The following PARD6G variants were observed in gnomAD, a reference collection of about 807,000 sequenced individuals.
The protein encoded by PARD6G is par-6 family cell polarity regulator gamma, also known as partitioning defective 6 homolog gamma.
PARD6G carries 7 observed loss-of-function variants against 10.7 expected under a neutral mutation model. The observed-to-expected ratio is 0.66, with a 90% CI of 0.37 to 1.23. The LOEUF is 1.23. PARD6G is among the 50% of genes most tolerant of loss of function. The pLI, the probability that PARD6G is intolerant of heterozygous loss-of-function variation, is 0.02. For missense variants in PARD6G, 548 were observed against 571.8 expected, an observed-to-expected ratio of 0.96 and a Z score of 0.42; for synonymous variants, 287 against 269.4, an observed-to-expected ratio of 1.07 and a Z score of -0.64.
chr18:80,162,195 C>T (rs571299401), intron 2 of PARD6G: 6 of 152,186 alleles, frequency 3.9e-5, no homozygotes, highest in East Asian at 1.9e-4. Flanking sequence ...GGAACCCATC[C>T]GTCATCAGTT....
At chr18:80,187,329 G>A (rs2052885261) in intron 2 of PARD6G, among the ~76,000 whole-genome samples, 1 of 152,124 alleles carries the variant, frequency 6.6e-6, no homozygotes, top group East Asian at 1.9e-4. Context: ...TTGGAACACT[G>A]GGCTTAACTG....
Position 80,180,047 on chromosome 18 carries a change from C to T in PARD6G, c.296-19441G>A, listed in dbSNP as rs141678730. On this transcript the variant is annotated intron_variant, in intron 2 of 2. Coordinates refer to ENST00000353265, the MANE Select transcript of PARD6G (RefSeq NM_032510.4). The surrounding 1 kb of genome is among the most constrained non-coding windows in gnomAD (Gnocchi z 5.6). ...GGGAACGCCCCATTGTGCCTCAGAA[C>T]GAAAGTTCAGTGGTCTGCAGAGAGG... is the stretch of plus-strand genomic sequence containing the variant. Among the ~76,000 whole-genome samples, 534 of 152,288 alleles carry T rather than the reference C, an allele frequency of 3.5e-3. 3 individuals carry two copies. The highest frequency in any genetic ancestry group is 0.012 in the African/African-American group (497 of 41,572).
intron 2 of PARD6G, chr18:80,169,428 G>C (rs1427422601): frequency 1.3e-5 from 2 of 152,302 alleles, no homozygotes; most frequent in Non-Finnish European, 2.9e-5. Context: ...TCAGAATTGC[G>C]GGGAACCCTC....
intron 1 of PARD6G, among the ~76,000 whole-genome samples, chr18:80,216,204 A>G (rs529076869): frequency 6.6e-6 from 1 of 152,302 alleles, no homozygotes; most frequent in Non-Finnish European, 1.5e-5. Flanking sequence ...CCCAATTTTT[A>G]TAATGAATAA....
rs1397939031 is a variant in PARD6G at position 80,201,224 on chromosome 18, G to A, written c.295+1486C>T. On this transcript the variant is annotated intron_variant, in intron 2 of 2. Transcript: ENST00000353265. This position sits in a 1 kb window ranked among gnomAD's most constrained non-coding sequence, Gnocchi z 5.9. ...CGGGCTCATCAGATCAAGCAGCTGA[G>A]ACCAGGCCTTCCTGAGAAGGCAGCC... 1.3e-5 allele frequency among the ~76,000 whole-genome samples: 2 copies of A among 152,154 alleles called. No individual in the cohort carries two copies. The highest frequency in any genetic ancestry group is 6.5e-5 in the Admixed American group (1 of 15,278).
intron 1 of PARD6G, among the ~76,000 whole-genome samples, chr18:80,233,956 C>T (rs1967389429): frequency 6.6e-6 from 1 of 152,104 alleles, no homozygotes; most frequent in Non-Finnish European, 1.5e-5. Flanking sequence ...GCCCTCGAGA[C>T]ACAAAGGCTT....
chr18:80,246,710 C>G lies in PARD6G; in HGVS notation c.72+567G>C, dbSNP rs1449905762. On this transcript the variant is annotated intron_variant, in intron 1 of 2. Transcript: ENST00000353265. This position sits in a 1 kb window ranked among gnomAD's most constrained non-coding sequence, Gnocchi z 6.7. ...GTCTGGGCCGGGGGAGAGCCGGGTG[C>G]GTGCTCTGGGTCTGCGCGGGGGAGC... Among the ~76,000 whole-genome samples the G allele has an allele frequency of 6.6e-6, 1 of 151,132 alleles. No individual in the cohort carries two copies. Among genetic ancestry groups the G allele is most frequent in the Non-Finnish European group, 1.5e-5 (1 of 67,744 alleles).
At chr18:80,166,534 A>G (rs936987743) in intron 2 of PARD6G, among the ~76,000 whole-genome samples, 1 of 147,658 alleles carries the variant, frequency 6.8e-6, no homozygotes, top group Admixed American at 7.0e-5. Context: ...AGCCTCCTCC[A>G]TGGTCAGATC....
rs1312083774 is a variant in PARD6G, at chr18:80,200,453, C to T, written c.295+2257G>A. ...CGCTGTTAAGCTCTGACAACAACCC[C>T]AGAGACAGGCACTACCACCCGTGCC... is the stretch of plus-strand genomic sequence containing the variant. On this transcript the variant is annotated intron_variant, in intron 2 of 2. Transcript: ENST00000353265. This position sits in a 1 kb window ranked among gnomAD's most constrained non-coding sequence, Gnocchi z 4.4. 6.6e-6 allele frequency among the ~76,000 whole-genome samples: 1 copy of T among 152,138 alleles called. No individual in the cohort carries two copies. Among genetic ancestry groups the T allele is most frequent in the Non-Finnish European group, 1.5e-5 (1 of 68,034 alleles).
rs1264970110 is a variant in PARD6G at position 80,247,329 on chromosome 18, T to C, written c.20A>G (p.Lys7Arg). The C allele has an allele frequency of 6.3e-7, 1 of 1,577,466 alleles. No individual in the cohort carries two copies. The highest frequency in any genetic ancestry group is 8.6e-7 in the Non-Finnish European group (1 of 1,162,262). Residue 7 changes from lysine to arginine, a missense_variant, in exon 1 of 3, where the codon AAG becomes AGG. Lys to Arg is a conservative substitution (Grantham distance 26, BLOSUM62 2). Around this residue, in one of 2 missense-constraint regions of PARD6G, gnomAD observed 235 missense variants for 291.9 expected, o/e 0.81. Transcript: ENST00000353265. The surrounding 1 kb of genome is among the most constrained non-coding windows in gnomAD (Gnocchi z 4.2). ...ATCGTAGAATCGCAAGGTCTGAGAC[T>C]TGTGAAAACTTCGGTTCATGGTTTC... MNRSFH[K>R]SQTLRFYDCS...
Position 80,189,601 on chromosome 18 carries a change from A to C in PARD6G, c.295+13109T>G, listed in dbSNP as rs1347696463. Among the ~76,000 whole-genome samples the C allele has an allele frequency of 6.6e-6, 1 of 152,144 alleles. No homozygotes were observed. The highest frequency in any genetic ancestry group is 2.4e-5 in the African/African-American group (1 of 41,414). On this transcript the variant is annotated intron_variant, in intron 2 of 2. Transcript: ENST00000353265. This position sits in a 1 kb window ranked among gnomAD's most constrained non-coding sequence, Gnocchi z 5.5. ...ACCCGCTAACTGACACCACGTCAGGAGCCCACCAGGCCAGGCAGGTCACCC... is the reference window on the plus strand; with the variant it reads ...ACCCGCTAACTGACACCACGTCAGGCGCCCACCAGGCCAGGCAGGTCACCC...
rs59976412 is a variant in PARD6G, at chr18:80,200,498, C to T, written c.295+2212G>A. On this transcript the variant is annotated intron_variant, in intron 2 of 2. Transcript: ENST00000353265. This position sits in a 1 kb window ranked among gnomAD's most constrained non-coding sequence, Gnocchi z 4.4. Reference sequence around the variant, plus strand: ...CGTGCCACAGATGAGGACGGTAGAGCTCTGCGGGATGAGGCGTGTGTTTGT... The same window carrying T: ...CGTGCCACAGATGAGGACGGTAGAGTTCTGCGGGATGAGGCGTGTGTTTGT... 9.1e-3 allele frequency among the ~76,000 whole-genome samples: 1,388 copies of T among 152,226 alleles called. 26 individuals are homozygous for T. Among genetic ancestry groups the T allele is most frequent in the African/African-American group, 0.032 (1,330 of 41,528 alleles).
rs1449068977 is a variant in PARD6G, at chr18:80,228,573, G to T, written c.72+18704C>A. ...AGACACCACAGGGTCTTGGCCCCCA[G>T]GCCCACAGACTGCATCTCCTAAGAT... is the stretch of plus-strand genomic sequence containing the variant. On this transcript the variant is annotated intron_variant, in intron 1 of 2. Transcript: ENST00000353265. The surrounding 1 kb of genome is among the most constrained non-coding windows in gnomAD (Gnocchi z 4.6). Among the ~76,000 whole-genome samples, 1 of 142,614 alleles carries T rather than the reference G, an allele frequency of 7.0e-6. No individual in the cohort carries two copies. Among genetic ancestry groups the T allele is most frequent in the African/African-American group, 2.6e-5 (1 of 37,972 alleles). 93.6% of individuals were successfully genotyped at this position (142,614 alleles called of 152,430 possible).
intron 1 of PARD6G, among the ~76,000 whole-genome samples, chr18:80,234,024 C>T (rs1319338340): frequency 6.6e-6 from 1 of 152,168 alleles, no homozygotes; most frequent in Non-Finnish European, 1.5e-5. Context: ...CCCAGGCACA[C>T]CTCCCAGGCT....
In PARD6G at chr18:80,201,376, A is replaced by G. The variant is rs1967005263; in HGVS notation, c.295+1334T>C. 6.6e-6 allele frequency among the ~76,000 whole-genome samples: 1 copy of G among 152,194 alleles called. No individual in the cohort carries two copies. The highest frequency in any genetic ancestry group is 2.4e-5 in the African/African-American group (1 of 41,456). On this transcript the variant is annotated intron_variant, in intron 2 of 2. Transcript: ENST00000353265. The surrounding 1 kb of genome is among the most constrained non-coding windows in gnomAD (Gnocchi z 5.9). ...GCAGCCACTGCAGAGGGCAGCATAC[A>G]GAGGACCGAGGTGTGGCACGCTGGA...
chr18:80,202,097 G>A (rs1355280822), intron 2 of PARD6G: 1 of 151,178 alleles, frequency 6.6e-6, no homozygotes, highest in Non-Finnish European at 1.5e-5. Context: ...TCACCTGCAG[G>A]TGCTTCTTTC....
At chr18:80,220,512 T>C (rs777542329) in intron 1 of PARD6G, among the ~76,000 whole-genome samples, 1 of 152,218 alleles carries the variant, frequency 6.6e-6, no homozygotes, top group Admixed American at 6.5e-5. Context: ...ATCAGTATTG[T>C]GTATTAATTT....
chr18:80,196,863 G>A (rs1286233643), intron 2 of PARD6G, among the ~76,000 whole-genome samples: 1 of 144,060 alleles, frequency 6.9e-6, no homozygotes, highest in African/African-American at 2.6e-5. Flanking sequence ...CATTCCCACG[G>A]TGGAGTGGGA....
intron 2 of PARD6G, among the ~76,000 whole-genome samples, chr18:80,163,593 G>A (rs1266443357): frequency 6.6e-6 from 1 of 152,160 alleles, no homozygotes; most frequent in Non-Finnish European, 1.5e-5. Context: ...GCGTCACAAG[G>A]GCCAGGTGGA....
Sources: allele counts gnomAD v4.1 joint callset (sites outside exome capture counted in the v4.1 genomes callset), GRCh38; gene constraint gnomAD v4.1.1; regional missense constraint gnomAD v4.1.1; non-coding constraint Gnocchi (gnomAD v3.1); transcripts MANE v1.5; gene names NCBI Gene and HGNC (gene_info 2026-07-23, HGNC 2026-07-21).